The following EIF4G3 variants were observed in gnomAD, a reference collection of about 807,000 sequenced individuals.
EIF4G3 encodes the protein eIF-4-gamma 3.
Under a neutral mutation model 186.4 loss-of-function variants are expected in EIF4G3, and 34 were observed. The ratio of observed to expected loss-of-function variants is 0.18; its 90% CI spans 0.14 to 0.24. The LOEUF (loss-of-function observed/expected upper bound fraction) is 0.24. Ranked by LOEUF, EIF4G3 falls within the 10% of genes least tolerant of loss-of-function variation. EIF4G3 has a pLI of 1.00. For missense variants in EIF4G3, 1,536 were observed against 1,948.5 expected (o/e 0.79, Z 3.99); for synonymous variants, 673 against 679.5 (o/e 0.99, Z 0.15).
intron 2 of EIF4G3, among the ~76,000 whole-genome samples, chr1:21,159,935 G>A (rs2097732034): frequency 6.6e-6 from 1 of 151,994 alleles, no homozygotes; most frequent in Non-Finnish European, 1.5e-5. Flanking sequence ...GTGAAACCCC[G>A]TCTATACAAA....
chr1:20,960,577 C>A (rs1307215467), intron 12 of EIF4G3, among the ~76,000 whole-genome samples: 2 of 151,792 alleles, frequency 1.3e-5, no homozygotes, highest in African/African-American at 4.8e-5. Context: ...CATAACGAGA[C>A]CTCATCTTTA....
chr1:21,112,364 T>C (rs2096740807), intron 2 of EIF4G3, among the ~76,000 whole-genome samples: 1 of 152,286 alleles, frequency 6.6e-6, no homozygotes, highest in Middle Eastern at 3.4e-3. Flanking sequence ...GGTCTTCCAG[T>C]GAACAGCAAT....
intron 15 of EIF4G3, among the ~76,000 whole-genome samples, chr1:20,901,870 T>C (rs1009495512): frequency 2.0e-5 from 3 of 152,188 alleles, no homozygotes; most frequent in Admixed American, 6.5e-5. Context: ...AAACCTTTTA[T>C]AGGAATCTGT....
At chr1:20,812,462 A>G (rs1223086295) in intron 35 of EIF4G3, among the ~76,000 whole-genome samples, 1 of 152,240 alleles carries the variant, frequency 6.6e-6, no homozygotes, top group Non-Finnish European at 1.5e-5. Flanking sequence ...AGCTATATTA[A>G]GTGGCAGAAA....
At chr1:20,934,204 A>G (rs1353739591) in intron 14 of EIF4G3, among the ~76,000 whole-genome samples, 1 of 152,216 alleles carries the variant, frequency 6.6e-6, no homozygotes, top group Non-Finnish European at 1.5e-5. Context: ...TCTACTGATG[A>G]CCCTGCTGAG....
At chr1:20,874,014 A>T (rs1244916505) in intron 20 of EIF4G3, among the ~76,000 whole-genome samples, 3 of 152,188 alleles carry the variant, frequency 2.0e-5, no homozygotes, top group Non-Finnish European at 2.9e-5. Context: ...TGAAAAGGAC[A>T]TGATCTCATT....
intron 18 of EIF4G3, among the ~76,000 whole-genome samples, chr1:20,886,590 CT>C (rs570868674): frequency 1.4e-3 from 213 of 152,242 alleles, no homozygotes; most frequent in African/African-American, 4.3e-3. Context: ...AACAAGAGGC[CT>C]TTTTGAACCA....
intron 2 of EIF4G3, chr1:21,111,267 T>C (rs1466418320): frequency 2.1e-6 from 1 of 470,416 alleles, no homozygotes; most frequent in Admixed American, 2.4e-5. Context: ...GGCATAGACT[T>C]TGAAGCTGGA....
At chr1:21,101,575 ACAAC>A (rs1207126447) in intron 2 of EIF4G3, among the ~76,000 whole-genome samples, 4 of 131,120 alleles carry the variant, frequency 3.1e-5, no homozygotes, top group Admixed American at 8.0e-5. Flanking sequence ...AAAAAAAAAA[ACAAC>A]AAAAAAAAAC....
chr1:20,847,402 C>T (rs918148725), intron 29 of EIF4G3, among the ~76,000 whole-genome samples: 2 of 152,276 alleles, frequency 1.3e-5, no homozygotes, highest in African/African-American at 4.8e-5. Context: ...TGGCCCAGGG[C>T]TCATGATTCT....
At chr1:20,964,138 A>C (rs2074091632) in intron 12 of EIF4G3, among the ~76,000 whole-genome samples, 1 of 152,206 alleles carries the variant, frequency 6.6e-6, no homozygotes, top group Non-Finnish European at 1.5e-5. Context: ...TTTGATACTG[A>C]GCGAGTAACA....
chr1:21,043,106 C>T (rs1017384863), intron 4 of EIF4G3, among the ~76,000 whole-genome samples: 1 of 152,028 alleles, frequency 6.6e-6, no homozygotes. Flanking sequence ...CTTCTTAAAA[C>T]AGATGAGAGG....
At chr1:20,847,757 A>G (rs1557897090) in intron 29 of EIF4G3, 1 of 471,102 alleles carries the variant, frequency 2.1e-6, no homozygotes, top group Non-Finnish European at 4.4e-6. Context: ...TTTCCCGTTA[A>G]TGTTCATTTA....
intron 2 of EIF4G3, among the ~76,000 whole-genome samples, chr1:21,131,314 T>A (rs1432086839): frequency 5.0e-4 from 47 of 93,662 alleles, no homozygotes; most frequent in East Asian, 1.3e-3. Flanking sequence ...AACTACAACA[T>A]AGGGAAGAAA....
Position 20,868,024 on chromosome 1 carries a change from C to T in EIF4G3, c.2623-2762G>A, listed in dbSNP as rs149698127. Among the ~76,000 whole-genome samples the T allele has an allele frequency of 2.1e-3, 314 of 147,736 alleles. 2 individuals are homozygous for T. Among genetic ancestry groups the T allele is most frequent in the African/African-American group, 7.6e-3 (306 of 40,300 alleles). ...TACCCTCTGGGGATGGTTAACAGGG[C>T]TGTGGAAATATGGAAAGGGGCCAGT... On this transcript the variant is annotated intron_variant, in intron 20 of 36. Coordinates refer to ENST00000602326, the MANE Select transcript of EIF4G3 (RefSeq NM_001391906.1).
intron 2 of EIF4G3, among the ~76,000 whole-genome samples, chr1:21,174,139 AAACTT>A (rs1271720754): frequency 1.3e-5 from 2 of 152,254 alleles, no homozygotes; most frequent in Non-Finnish European, 2.9e-5. Flanking sequence ...GGCAAAGTAA[AAACTT>A]AAAGCCACAC....
At chr1:20,844,737 C>A (rs958112778) in intron 29 of EIF4G3, among the ~76,000 whole-genome samples, 3 of 151,976 alleles carry the variant, frequency 2.0e-5, no homozygotes, top group African/African-American at 7.3e-5. Context: ...GAGGCTGAGG[C>A]AGGAGAATCA....
intron 14 of EIF4G3, among the ~76,000 whole-genome samples, chr1:20,916,285 A>T (rs1451709730): frequency 1.3e-5 from 2 of 152,014 alleles, no homozygotes; most frequent in African/African-American, 4.8e-5. Flanking sequence ...TCTCTACTAA[A>T]AATACAAAAA....
chr1:21,001,135 T>C, intron 6 of EIF4G3, 64 bp downstream of exon 6: 2 of 466,662 alleles, frequency 4.3e-6, no homozygotes, highest in South Asian at 1.6e-5. Flanking sequence ...ATGGATGTGG[T>C]CAAAAATACT....
Sources: allele counts gnomAD v4.1 joint callset (sites outside exome capture counted in the v4.1 genomes callset), GRCh38; gene constraint gnomAD v4.1.1; transcripts MANE v1.5; gene names NCBI Gene and HGNC (gene_info 2026-07-23, HGNC 2026-07-21).